The following GCH1 variants were observed in gnomAD, a reference collection of about 807,000 sequenced individuals.
GCH1 encodes GTP cyclohydrolase 1, also known as GTP cyclohydrolase I.
In GCH1, 5 loss-of-function variants were observed where a neutral mutation model predicts 25.9. That is an observed-to-expected ratio of 0.19 (90% confidence interval 0.10 to 0.41). The LOEUF is 0.41. Among genes scored for constraint, GCH1 ranks in the 10% least tolerant of loss-of-function variants. The pLI is 1.00. For synonymous variants in GCH1, 159 were observed against 129.6 expected (o/e 1.23, Z -1.54); for missense variants, 261 against 336.5 (o/e 0.78, Z 1.75).
At chr14:54,885,709 C>T (rs374246088) in intron 1 of GCH1, 220 of 201,970 alleles carry the variant, frequency 1.1e-3, no homozygotes, top group African/African-American at 5.0e-3. Flanking sequence ...GCCAACATGG[C>T]GAAACCCCGT....
chr14:54,855,231 C>T (rs899047690), intron 3 of GCH1, among the ~76,000 whole-genome samples: 11 of 152,010 alleles, frequency 7.2e-5, no homozygotes, highest in Non-Finnish European at 1.6e-4. Flanking sequence ...CAGGGCCAGG[C>T]GCGGTGGCTC....
intron 1 of GCH1, among the ~76,000 whole-genome samples, chr14:54,869,395 T>A (rs1332111231): frequency 6.6e-6 from 1 of 152,046 alleles, no homozygotes; most frequent in Non-Finnish European, 1.5e-5. Flanking sequence ...ATGTTAAACA[T>A]CAGGAGAAAC....
At chr14:54,887,705 A>G (rs1003151785) in intron 1 of GCH1, among the ~76,000 whole-genome samples, 1 of 152,204 alleles carries the variant, frequency 6.6e-6, no homozygotes, top group Admixed American at 6.5e-5. Flanking sequence ...ATTAAGAAAA[A>G]CGCTTTTTAG....
Position 54,892,730 on chromosome 14 carries a change from A to G in GCH1, c.343+9591T>C, listed in dbSNP as rs116829666. 5.7e-3 allele frequency among the ~76,000 whole-genome samples: 864 copies of G among 152,094 alleles called. 13 individuals carry two copies. Among genetic ancestry groups the G allele is most frequent in the African/African-American group, 0.02 (819 of 41,482 alleles). On this transcript the variant is annotated intron_variant, in intron 1 of 5. Coordinates refer to ENST00000491895, the MANE Select transcript of GCH1 (RefSeq NM_000161.3). ...AATAAAATAGATGTTTTTAATGTGG[A>G]TGAACCTTGAAGACATTTTGCAAAG...
intron 1 of GCH1, among the ~76,000 whole-genome samples, chr14:54,884,042 A>G (rs1479444506): frequency 6.6e-6 from 1 of 152,212 alleles, no homozygotes; most frequent in East Asian, 1.9e-4. Flanking sequence ...CCTACAACCA[A>G]CTCATTAGAA....
chr14:54,893,459 G>C (rs1162016646), intron 1 of GCH1, among the ~76,000 whole-genome samples: 5 of 152,194 alleles, frequency 3.3e-5, no homozygotes, highest in Non-Finnish European at 7.3e-5. Flanking sequence ...AGGCATGGAA[G>C]GGTTTCTAGA....
intron 1 of GCH1, among the ~76,000 whole-genome samples, chr14:54,892,935 C>T (rs113585929): frequency 0.092 from 13,986 of 151,798 alleles, 760 homozygotes; most frequent in East Asian, 0.18. Context: ...AAAAATTAGC[C>T]GAGCATGGTG....
intron 3 of GCH1, among the ~76,000 whole-genome samples, chr14:54,855,753 G>A (rs1485513145): frequency 6.6e-6 from 1 of 152,070 alleles, no homozygotes; most frequent in East Asian, 1.9e-4. Flanking sequence ...GGCAGAGGTT[G>A]CAGTGAGCCA....
At chr14:54,884,309 G>A (rs1416838328) in intron 1 of GCH1, among the ~76,000 whole-genome samples, 1 of 152,242 alleles carries the variant, frequency 6.6e-6, no homozygotes, top group Non-Finnish European at 1.5e-5. Flanking sequence ...GAGGAAAGGT[G>A]GAGGGAGGGT....
chr14:54,842,196 A>G lies in GCH1; in HGVS notation c.*1821T>C, dbSNP rs1483165345. On this transcript the variant is annotated 3_prime_UTR_variant, in exon 6 of 6. Transcript: ENST00000491895. ...GTAATTTTGAAGTACTAAAGACTAG[A>G]GTAAAACAGACAAAGTCATTACTTT... The G allele has an allele frequency of 6.6e-6, 1 of 152,622 alleles. No homozygotes were observed. The highest frequency in any genetic ancestry group is 6.5e-5 in the Admixed American group (1 of 15,282). 9.5% of individuals were successfully genotyped at this position (152,622 alleles called of 1,614,324 possible).
intron 3 of GCH1, among the ~76,000 whole-genome samples, chr14:54,857,405 T>C (rs1403474114): frequency 6.6e-6 from 1 of 152,222 alleles, no homozygotes; most frequent in Non-Finnish European, 1.5e-5. Context: ...TTAATCATGA[T>C]CAACAGTTGG....
At chr14:54,862,377 C>T (rs2039911632) in intron 2 of GCH1, among the ~76,000 whole-genome samples, 1 of 115,812 alleles carries the variant, frequency 8.6e-6, no homozygotes, top group African/African-American at 3.7e-5. Context: ...TGAAGCACTA[C>T]TCTTTTTTTT....
intron 4 of GCH1, 92 bp from the exon 5 acceptor site, chr14:54,845,944 A>C (rs760281282): frequency 1.2e-6 from 1 of 806,344 alleles, no homozygotes; most frequent in South Asian, 1.4e-5. Flanking sequence ...CTTAAAAATC[A>C]GACTTCTGTG....
intron 1 of GCH1, among the ~76,000 whole-genome samples, chr14:54,881,269 G>A (rs1008244247): frequency 3.3e-5 from 5 of 152,028 alleles, no homozygotes; most frequent in African/African-American, 1.2e-4. Context: ...AGGGCAAGGA[G>A]GAGTACACAG....
At chr14:54,848,613 T>C (rs890627107) in intron 3 of GCH1, among the ~76,000 whole-genome samples, 2 of 152,148 alleles carry the variant, frequency 1.3e-5, no homozygotes, top group East Asian at 3.9e-4. Flanking sequence ...TTCCTGGCTC[T>C]TCCCCCAACT....
At chr14:54,851,501 A>T (rs1190631118) in intron 3 of GCH1, among the ~76,000 whole-genome samples, 1 of 152,266 alleles carries the variant, frequency 6.6e-6, no homozygotes, top group East Asian at 1.9e-4. Context: ...TCCAGAATCT[A>T]CAAAGAACTT....
At chr14:54,883,211 A>G (rs1164068175) in intron 1 of GCH1, among the ~76,000 whole-genome samples, 1 of 150,800 alleles carries the variant, frequency 6.6e-6, no homozygotes, top group African/African-American at 2.4e-5. Flanking sequence ...ATCTCTACTA[A>G]AAGTCCAAAA....
chr14:54,897,652 ACT>A (rs1018662527), intron 1 of GCH1, among the ~76,000 whole-genome samples: 8 of 151,970 alleles, frequency 5.3e-5, no homozygotes, highest in Non-Finnish European at 8.8e-5. Context: ...GATAGGGTAC[ACT>A]GATTCAGTTC....
intron 1 of GCH1, among the ~76,000 whole-genome samples, chr14:54,876,399 G>A (rs1204147072): frequency 6.6e-6 from 1 of 152,004 alleles, no homozygotes; most frequent in Admixed American, 6.6e-5. Context: ...GTTAAATGAC[G>A]AGTTAATGGG....
Sources: gnomAD v4.1 joint callset for allele counts (sites outside exome capture counted in the v4.1 genomes callset) on GRCh38, gnomAD v4.1.1 for gene constraint, MANE v1.5 for transcripts, NCBI Gene and HGNC (gene_info 2026-07-23, HGNC 2026-07-21) for gene names.